Variants in UBE3C observed in about 807,000 individuals in gnomAD.
UBE3C encodes ubiquitin protein ligase E3C, also known as ubiquitin-protein ligase E3C.
UBE3C carries 42 observed loss-of-function variants against 129.4 expected under a neutral mutation model. The observed-to-expected ratio is 0.32, with a 90% CI of 0.25 to 0.42. UBE3C has a LOEUF of 0.42. Ranked by LOEUF, UBE3C falls within the 10% of genes least tolerant of loss-of-function variation. The pLI is 1.00. For synonymous variants in UBE3C, 510 were observed against 492.4 expected, an observed-to-expected ratio of 1.04 and a Z score of -0.47; for missense variants, 1,049 against 1,319.1, an observed-to-expected ratio of 0.80 and a Z score of 3.17.
intron 22 of UBE3C, among the ~76,000 whole-genome samples, chr7:157,264,815 A>G (rs1797033718): frequency 6.6e-6 from 1 of 152,086 alleles, no homozygotes; most frequent in African/African-American, 2.4e-5. Flanking sequence ...CAGGTGATCC[A>G]CCCGTTGTGG....
Position 157,165,396 on chromosome 7 carries a change from A to AC in UBE3C, c.120+1534dup, listed in dbSNP as rs1393811004. On this transcript the variant is annotated intron_variant, in intron 2 of 22. Coordinates refer to ENST00000348165, the MANE Select transcript of UBE3C (RefSeq NM_014671.3). ...TTTACAGCTGATCTCTTTAGCATTG[A>AC]CTTTTTTTTTTTTTTTTTTGAGGTG... Among the ~76,000 whole-genome samples, 13 of 128,882 alleles carry AC rather than the reference A, an allele frequency of 1.0e-4. No individual in the cohort carries two copies. The East Asian group carries it at 2.7e-3, about 27-fold the overall frequency. The allele number at this position is 128,882 out of a possible 152,430, so 84.6% of individuals were successfully genotyped here.
intron 22 of UBE3C, among the ~76,000 whole-genome samples, chr7:157,261,585 A>G (rs1158013858): frequency 1.3e-5 from 2 of 152,218 alleles, no homozygotes; most frequent in Non-Finnish European, 2.9e-5. Flanking sequence ...CGGTTAGCTT[A>G]GTATGCCTGG....
At chr7:157,158,983 G>A (rs1807993238) in intron 1 of UBE3C, among the ~76,000 whole-genome samples, 1 of 152,218 alleles carries the variant, frequency 6.6e-6, no homozygotes, top group Non-Finnish European at 1.5e-5. Flanking sequence ...CTAGTCTCAT[G>A]TATGCGGGGA....
chr7:157,196,709 C>T (rs975367948), intron 10 of UBE3C, among the ~76,000 whole-genome samples: 1 of 152,076 alleles, frequency 6.6e-6, no homozygotes, highest in African/African-American at 2.4e-5. Flanking sequence ...TGGCTCACGC[C>T]TATAATCCCA....
intron 18 of UBE3C, among the ~76,000 whole-genome samples, chr7:157,245,915 C>T (rs895414433): frequency 7.3e-6 from 1 of 137,064 alleles, no homozygotes; most frequent in Non-Finnish European, 1.5e-5. Flanking sequence ...CGCTTGAACT[C>T]GGGAGGCGGA....
At chr7:157,174,246 G>C (rs895456097) in intron 4 of UBE3C, among the ~76,000 whole-genome samples, 3 of 151,992 alleles carry the variant, frequency 2.0e-5, no homozygotes, top group South Asian at 4.1e-4. Flanking sequence ...CCCGTAATCC[G>C]AGCTACTTGG....
chr7:157,144,842 A>G (rs1030434964), intron 1 of UBE3C, among the ~76,000 whole-genome samples: 3 of 152,168 alleles, frequency 2.0e-5, no homozygotes, highest in East Asian at 1.9e-4. Context: ...TGATAAACCA[A>G]TGTCGATGTG....
At position 157,182,298 on chromosome 7, in the gene UBE3C, T is replaced by C. The variant is rs765959283; in HGVS notation, c.961T>C (p.Phe321Leu). ...TGGTGGAGCACCCTGGCTTTTCTATTTCGTTTTAACTGTTGGCGAAAATTA... is the reference window on the plus strand; with the variant it reads ...TGGTGGAGCACCCTGGCTTTTCTATCTCGTTTTAACTGTTGGCGAAAATTA... ...KSGGAPWLFY[F>L]VLTVGENYLG... is the part of the protein sequence containing the mutation. Residue 321 changes from phenylalanine (F) to leucine (L), a missense_variant, in exon 8 of 23, where the codon TTC becomes CTC. Physicochemically the swap from Phe to Leu is conservative, Grantham distance 22. Coordinates refer to ENST00000348165, the MANE Select transcript of UBE3C (RefSeq NM_014671.3). 6.2e-7 allele frequency: 1 copy of C among 1,613,918 alleles called. No individual in the cohort carries two copies. The highest frequency in any genetic ancestry group is 8.5e-7 in the Non-Finnish European group (1 of 1,179,988).
chr7:157,264,720 C>T (rs56836970), intron 22 of UBE3C, among the ~76,000 whole-genome samples: 1,772 of 152,268 alleles, frequency 0.012, 38 homozygotes, highest in African/African-American at 0.041. Flanking sequence ...TACAGGCATG[C>T]ACCACTACAG....
chr7:157,260,683 T>C (rs1205097624), intron 22 of UBE3C, among the ~76,000 whole-genome samples: 1 of 152,174 alleles, frequency 6.6e-6, no homozygotes, highest in Non-Finnish European at 1.5e-5. Flanking sequence ...GATAAGAAAA[T>C]TATGCATCTC....
chr7:157,197,738 A>G (rs1809162471), intron 10 of UBE3C: 6 of 1,611,578 alleles, frequency 3.7e-6, no homozygotes, highest in South Asian at 3.3e-5. Context: ...AAGACTGTAC[A>G]ATAAAGTTCC....
intron 6 of UBE3C, among the ~76,000 whole-genome samples, chr7:157,180,875 T>G (rs1386200207): frequency 6.6e-6 from 1 of 152,218 alleles, no homozygotes; most frequent in Non-Finnish European, 1.5e-5. Context: ...TAAGAGTTTC[T>G]GGAGAAAAGG....
At chr7:157,198,074 A>G in intron 10 of UBE3C, 1 of 1,611,934 alleles carries the variant, frequency 6.2e-7, no homozygotes, top group Non-Finnish European at 8.5e-7. Context: ...CTCTTTTAAC[A>G]AACTCCAGAA....
At chr7:157,145,458 C>T (rs1807579171) in intron 1 of UBE3C, among the ~76,000 whole-genome samples, 1 of 152,142 alleles carries the variant, frequency 6.6e-6, no homozygotes, top group South Asian at 2.1e-4. Context: ...GCAGAGATTG[C>T]AGTTAGCTGA....
At chr7:157,239,243 G>A (rs548202840) in intron 18 of UBE3C, among the ~76,000 whole-genome samples, 11 of 152,250 alleles carry the variant, frequency 7.2e-5, no homozygotes, top group African/African-American at 2.2e-4. Context: ...TAAATTGTAG[G>A]ATATTCACAA....
At chr7:157,225,354 G>T in intron 16 of UBE3C, 53 bp from the exon 17 acceptor site, 1 of 1,561,836 alleles carries the variant, frequency 6.4e-7, no homozygotes, top group Non-Finnish European at 8.6e-7. Flanking sequence ...TCTTTGGTAG[G>T]TTGTAAGAGG....
chr7:157,231,090 G>T lies in UBE3C; in HGVS notation c.2244G>T (p.Leu748Phe). The change falls in exon 18 of 23, where the codon TTG becomes TTT. Residue 748 changes from leucine (L) to phenylalanine (F), a missense_variant. This residue lies in a region of UBE3C where 314 missense variants were observed against 416.9 expected (regional missense o/e 0.75). Transcript: ENST00000348165. ...DKLSPENEPD[L>F]KKRIRVHLLN... ...ATTTTTTTTTAACAGAGCCTGATTT[G>T]AAAAAGCGGATCCGTGTGCACTTGC... 6.2e-7 allele frequency: 1 copy of T among 1,612,714 alleles called. No individual in the cohort carries two copies. The highest frequency in any genetic ancestry group is 8.5e-7 in the Non-Finnish European group (1 of 1,179,638).
At chr7:157,246,753 G>A (rs911015461) in intron 18 of UBE3C, among the ~76,000 whole-genome samples, 3 of 152,170 alleles carry the variant, frequency 2.0e-5, no homozygotes, top group African/African-American at 7.2e-5. Context: ...GAAGGCCCGT[G>A]ACTGCCTCTG....
intron 22 of UBE3C, among the ~76,000 whole-genome samples, chr7:157,259,910 AGTGCCCTC>A (rs1393488468): frequency 1.3e-5 from 2 of 152,250 alleles, no homozygotes; most frequent in Non-Finnish European, 2.9e-5. Context: ...CATCTCAGTT[AGTGCCCTC>A]AGAACTGGAG....
Sources: allele counts gnomAD v4.1 joint callset (sites outside exome capture counted in the v4.1 genomes callset), GRCh38; gene constraint gnomAD v4.1.1; regional missense constraint gnomAD v4.1.1; transcripts MANE v1.5; gene names NCBI Gene and HGNC (gene_info 2026-07-23, HGNC 2026-07-21).